The following GLI3 variants were observed in gnomAD, a reference collection of about 807,000 sequenced individuals.
GLI3 encodes GLI family zinc finger 3.
A neutral mutation model predicts 100.8 loss-of-function variants in GLI3; 20 were observed. The observed-to-expected ratio is 0.20, with a 90% CI of 0.14 to 0.29. The LOEUF is 0.29. Among genes scored for constraint, GLI3 ranks in the 10% least tolerant of loss-of-function variants. The pLI is 1.00. For synonymous variants in GLI3, 938 were observed against 860.5 expected (o/e 1.09, Z -1.58); for missense variants, 2,040 against 2,128.5 (o/e 0.96, Z 0.82).
chr7:42,140,620 C>T (rs1205670432), intron 3 of GLI3, among the ~76,000 whole-genome samples: 4 of 152,198 alleles, frequency 2.6e-5, no homozygotes, highest in Admixed American at 2.0e-4. Context: ...GAGAAGAGAG[C>T]AATAAAATGC....
intron 10 of GLI3, among the ~76,000 whole-genome samples, chr7:41,979,510 C>T (rs749775305): frequency 6.6e-6 from 1 of 152,066 alleles, no homozygotes; most frequent in Non-Finnish European, 1.5e-5. Flanking sequence ...AATTACTTAC[C>T]AATTCATGGT....
chr7:42,262,558 C>T (rs1789157226), intron 1 of GLI3, among the ~76,000 whole-genome samples: 2 of 152,154 alleles, frequency 1.3e-5, no homozygotes, highest in Non-Finnish European at 2.9e-5. Flanking sequence ...CTGCATTTGA[C>T]CAGTCTTTGT....
At chr7:42,010,161 G>A (rs1197568949) in intron 10 of GLI3, among the ~76,000 whole-genome samples, 3 of 152,174 alleles carry the variant, frequency 2.0e-5, no homozygotes, top group African/African-American at 7.2e-5. Context: ...AGGCCCCCAG[G>A]GAAGCCAGGA....
At chr7:42,205,652 GA>G (rs1219459869) in intron 2 of GLI3, among the ~76,000 whole-genome samples, 4 of 152,208 alleles carry the variant, frequency 2.6e-5, no homozygotes, top group South Asian at 2.1e-4. Flanking sequence ...TTCAGTTCAA[GA>G]CAGATGAGAC....
intron 3 of GLI3, among the ~76,000 whole-genome samples, chr7:42,106,596 A>G (rs889546917): frequency 6.6e-6 from 1 of 152,202 alleles, no homozygotes; most frequent in African/African-American, 2.4e-5. Context: ...GCCTCTACAT[A>G]CTGGTTGGAA....
At chr7:41,967,534 C>G in intron 14 of GLI3, 62 bp downstream of exon 14, 1 of 1,132,622 alleles carries the variant, frequency 8.8e-7, no homozygotes, top group East Asian at 2.3e-5. Context: ...AACTGAGGGC[C>G]TGCATTTAAA....
chr7:42,238,843 C>T (rs1562798284), upstream of GLI3, among the ~76,000 whole-genome samples: 1 of 152,250 alleles, frequency 6.6e-6, no homozygotes, highest in South Asian at 2.1e-4. Context: ...GCCGGGTCCA[C>T]CCAGCCAGAA....
intron 7 of GLI3, among the ~76,000 whole-genome samples, chr7:42,028,223 T>C (rs1446470880): frequency 2.6e-5 from 4 of 152,214 alleles, no homozygotes; most frequent in South Asian, 4.1e-4. Flanking sequence ...ATAATTACCA[T>C]GGCACACCGA....
rs958635473 is a variant in GLI3, at chr7:42,255,439, A to G, written c.-43+8555T>C. ...TACAATCCCATTTTAGACAGTTTCC[A>G]TTACCTAAAAGAAAAATCCCTCATG... On this transcript the variant is annotated intron_variant, in intron 1 of 2. Transcript: ENST00000678978. Among the ~76,000 whole-genome samples the G allele has an allele frequency of 2.0e-5, 3 of 152,198 alleles. No homozygotes were observed. In the East Asian group the frequency reaches 5.8e-4, roughly 29 times the overall value.
chr7:42,179,085 G>C (rs879616697), intron 2 of GLI3, among the ~76,000 whole-genome samples: 7 of 152,218 alleles, frequency 4.6e-5, no homozygotes, highest in Admixed American at 1.3e-4. Context: ...CCTGGTGAGA[G>C]GGAATTGAAT....
intron 5 of GLI3, among the ~76,000 whole-genome samples, chr7:42,046,739 A>T (rs1460652565): frequency 1.3e-5 from 2 of 152,146 alleles, no homozygotes; most frequent in African/African-American, 4.8e-5. Context: ...CCCTCAGTCT[A>T]TTCTCCTTGT....
intron 10 of GLI3, among the ~76,000 whole-genome samples, chr7:41,996,142 T>G (rs918147210): frequency 1.3e-5 from 2 of 152,236 alleles, no homozygotes; most frequent in African/African-American, 4.8e-5. Flanking sequence ...TTATTTTTGG[T>G]GGCTAAATGC....
At chr7:42,152,364 C>T in intron 2 of GLI3, 7 of 982,918 alleles carry the variant, frequency 7.1e-6, no homozygotes, top group Middle Eastern at 5.2e-4. Context: ...ACACAGTCCC[C>T]AGGCTCTGGC....
At chr7:42,090,606 C>T (rs1401285549) in intron 3 of GLI3, among the ~76,000 whole-genome samples, 2 of 152,314 alleles carry the variant, frequency 1.3e-5, no homozygotes, top group Admixed American at 1.3e-4. Context: ...CTCTTGCCCT[C>T]AAGCATTCTC....
At chr7:42,048,886 C>T (rs1435061536) in intron 4 of GLI3, among the ~76,000 whole-genome samples, 190 bp from the exon 5 acceptor site, 2 of 151,976 alleles carry the variant, frequency 1.3e-5, no homozygotes, top group Admixed American at 1.3e-4. Flanking sequence ...GGCAGAGCAT[C>T]GCTATGCAAT....
At chr7:42,035,534 C>A (rs1789413397) in intron 7 of GLI3, among the ~76,000 whole-genome samples, 1 of 152,222 alleles carries the variant, frequency 6.6e-6, no homozygotes, top group Non-Finnish European at 1.5e-5. Context: ...ACTGAGATCT[C>A]TTTCCTGGTC....
At chr7:42,223,351 C>T in intron 1 of GLI3, 56 bp from the exon 2 acceptor site, 1 of 831,752 alleles carries the variant, frequency 1.2e-6, no homozygotes, top group Non-Finnish European at 1.9e-6. Flanking sequence ...AAAAAAAAAA[C>T]TTTCAAAAGT....
intron 3 of GLI3, among the ~76,000 whole-genome samples, chr7:42,135,478 T>C (rs2128779741): frequency 6.6e-6 from 1 of 152,304 alleles, no homozygotes; most frequent in African/African-American, 2.4e-5. Context: ...TTTATACAGA[T>C]CCAGGCAGAT....
At chr7:42,157,414 A>G (rs1787027759) in intron 2 of GLI3, among the ~76,000 whole-genome samples, 1 of 152,156 alleles carries the variant, frequency 6.6e-6, no homozygotes, top group Non-Finnish European at 1.5e-5. Flanking sequence ...TTCACCTCTC[A>G]CAAAGCACAC....
Sources: gnomAD v4.1 joint callset for allele counts (sites outside exome capture counted in the v4.1 genomes callset) on GRCh38, gnomAD v4.1.1 for gene constraint, MANE v1.5 for transcripts, NCBI Gene and HGNC (gene_info 2026-07-23, HGNC 2026-07-21) for gene names.